The following SLC24A2 variants were observed in gnomAD, a reference collection of about 807,000 sequenced individuals.
SLC24A2 encodes sodium/potassium/calcium exchanger 2.
In SLC24A2, 36 loss-of-function variants were observed where a neutral mutation model predicts 62.0. The ratio of observed to expected loss-of-function variants is 0.58; its 90% CI spans 0.44 to 0.77. SLC24A2 has a LOEUF of 0.77. SLC24A2 is among the 30% of genes least tolerant of loss of function. SLC24A2 has a pLI of 0.00. For synonymous variants in SLC24A2, 358 were observed against 294.0 expected (o/e 1.22, Z -2.23); for missense variants, 846 against 817.9 (o/e 1.03, Z -0.42).
intron 2 of SLC24A2, among the ~76,000 whole-genome samples, chr9:19,718,284 CTTTTTTTTTTT>C (rs71335446): frequency 7.2e-5 from 4 of 55,714 alleles, no homozygotes; most frequent in Non-Finnish European, 8.6e-5. Context: ...TGATTTAACA[CTTTTTTTTTTT>C]TTTTTTTTTT....
At chr9:19,605,251 A>C (rs1333508983) in intron 4 of SLC24A2, among the ~76,000 whole-genome samples, 4 of 152,244 alleles carry the variant, frequency 2.6e-5, no homozygotes, top group South Asian at 4.2e-4. Flanking sequence ...AGAGAGAATA[A>C]ATGCTTCTGT....
chr9:20,239,971 A>G, the SLC24A2 span, among the ~76,000 whole-genome samples: 1 of 152,056 alleles, frequency 6.6e-6, no homozygotes, highest in African/African-American at 2.4e-5. Flanking sequence ...GGGTTAGGAA[A>G]GGGTTACCCT....
At chr9:19,561,898 G>A (rs1007726204) in intron 7 of SLC24A2, among the ~76,000 whole-genome samples, 3 of 152,144 alleles carry the variant, frequency 2.0e-5, no homozygotes, top group Admixed American at 6.5e-5. Context: ...ATGGCCTCCT[G>A]AAAACAACTT....
the SLC24A2 span, among the ~76,000 whole-genome samples, chr9:20,087,093 T>C: frequency 2.0e-5 from 3 of 152,244 alleles, no homozygotes; most frequent in Non-Finnish European, 4.4e-5. Flanking sequence ...GCCTGAATTC[T>C]GTGCAGAGCT....
At chr9:19,772,675 T>C (rs1822725267) in intron 2 of SLC24A2, among the ~76,000 whole-genome samples, 1 of 152,058 alleles carries the variant, frequency 6.6e-6, no homozygotes, top group African/African-American at 2.4e-5. Flanking sequence ...ATCACAAAGA[T>C]GGGTATAATA....
the SLC24A2 span, among the ~76,000 whole-genome samples, chr9:19,830,034 G>A: frequency 1.3e-5 from 2 of 151,658 alleles, no homozygotes; most frequent in African/African-American, 4.8e-5. Flanking sequence ...GGCTCCCTTG[G>A]CCACCCAAGG....
the SLC24A2 span, among the ~76,000 whole-genome samples, chr9:19,869,247 C>T: frequency 6.6e-6 from 1 of 152,156 alleles, no homozygotes; most frequent in Non-Finnish European, 1.5e-5. Flanking sequence ...TCCCAAGATG[C>T]TAGGATTACA....
chr9:19,707,722 T>G (rs1206755876), intron 2 of SLC24A2, among the ~76,000 whole-genome samples: 10 of 152,158 alleles, frequency 6.6e-5, no homozygotes, highest in African/African-American at 2.2e-4. Context: ...TGCTTAAAAC[T>G]CTCAATAAAT....
intron 4 of SLC24A2, among the ~76,000 whole-genome samples, chr9:19,615,123 T>C (rs1400980878): frequency 6.6e-6 from 1 of 152,170 alleles, no homozygotes; most frequent in Non-Finnish European, 1.5e-5. Flanking sequence ...CAAGGGCTCA[T>C]TCACTGGATT....
At chr9:20,081,158 G>A in the SLC24A2 span, among the ~76,000 whole-genome samples, 1 of 152,082 alleles carries the variant, frequency 6.6e-6, no homozygotes, top group Non-Finnish European at 1.5e-5. Context: ...AAATCATGCT[G>A]CTATAAAGAC....
chr9:19,899,025 C>T, the SLC24A2 span, among the ~76,000 whole-genome samples: 104 of 152,268 alleles, frequency 6.8e-4, no homozygotes, highest in African/African-American at 2.3e-3. Flanking sequence ...CAACAGGCAC[C>T]GCTAATGCTG....
chr9:19,515,600 G>C lies in SLC24A2; in HGVS notation c.*553C>G, dbSNP rs1010753781. ...TCTTGTACTTAAGAGGTAAAGCCCA[G>C]ACTGCAAGTTGATGCCCCTCTTCAA... On this transcript the variant is annotated 3_prime_UTR_variant, in exon 11 of 11. Coordinates refer to ENST00000341998, the MANE Select transcript of SLC24A2 (RefSeq NM_020344.4). 1.3e-5 allele frequency: 2 copies of C among 152,264 alleles called. No homozygotes were observed. Among genetic ancestry groups the C allele is most frequent in the African/African-American group, 4.8e-5 (2 of 41,406 alleles). 9.4% of individuals were successfully genotyped at this position (152,264 alleles called of 1,614,324 possible).
intron 5 of SLC24A2, among the ~76,000 whole-genome samples, chr9:19,581,311 G>A (rs557270221): frequency 2.0e-5 from 3 of 152,308 alleles, no homozygotes; most frequent in Admixed American, 2.0e-4. Context: ...TGATACCTCT[G>A]CAATCTTAAA....
At chr9:19,833,924 C>A in the SLC24A2 span, among the ~76,000 whole-genome samples, 1 of 152,202 alleles carries the variant, frequency 6.6e-6, no homozygotes, top group Non-Finnish European at 1.5e-5. Context: ...TCACCAATAT[C>A]CGCTGTTCTG....
At chr9:19,787,650 TA>T (rs755876490) in intron 1 of SLC24A2, among the ~76,000 whole-genome samples, 10 of 152,162 alleles carry the variant, frequency 6.6e-5, no homozygotes, top group Non-Finnish European at 1.2e-4. Context: ...TTTACAAATT[TA>T]AGTTTACAAA....
At chr9:19,646,964 C>T in intron 2 of SLC24A2, among the ~76,000 whole-genome samples, 1 of 151,782 alleles carries the variant, frequency 6.6e-6, no homozygotes, top group East Asian at 1.9e-4. Context: ...TGCCAAATTT[C>T]CATCCATTCT....
chr9:19,554,793 A>G (rs534007962), intron 7 of SLC24A2, among the ~76,000 whole-genome samples: 1 of 152,288 alleles, frequency 6.6e-6, no homozygotes, highest in South Asian at 2.1e-4. Context: ...GAGGAACAAT[A>G]TATGAGGCTC....
chr9:19,627,181 T>C (rs936883872), intron 2 of SLC24A2, among the ~76,000 whole-genome samples: 2 of 152,068 alleles, frequency 1.3e-5, no homozygotes, highest in Non-Finnish European at 2.9e-5. Flanking sequence ...CACTTTACAA[T>C]CCGGTTTAAA....
At chr9:19,785,029 T>G (rs967024905) in intron 2 of SLC24A2, among the ~76,000 whole-genome samples, 1 of 152,224 alleles carries the variant, frequency 6.6e-6, no homozygotes, top group Non-Finnish European at 1.5e-5. Context: ...TATGTAGGTA[T>G]TTTGGCTTTC....
Sources: gnomAD v4.1 joint callset for allele counts (sites outside exome capture counted in the v4.1 genomes callset) on GRCh38, gnomAD v4.1.1 for gene constraint, MANE v1.5 for transcripts, NCBI Gene and HGNC (gene_info 2026-07-23, HGNC 2026-07-21) for gene names.